Variants in KCNIP3 observed in about 807,000 individuals in gnomAD.
KCNIP3 encodes the protein calsenilin.
Under a neutral mutation model 35.0 loss-of-function variants are expected in KCNIP3, and 28 were observed. The observed-to-expected ratio is 0.80, with a 90% CI of 0.59 to 1.10. The LOEUF (loss-of-function observed/expected upper bound fraction) is 1.10. KCNIP3 is among the 50% of genes least tolerant of loss of function. The pLI, the probability that KCNIP3 is intolerant of heterozygous loss-of-function variation, is 0.00. For missense variants in KCNIP3, 295 were observed against 338.4 expected, an observed-to-expected ratio of 0.87 and a Z score of 1.01; for synonymous variants, 134 against 133.8, an observed-to-expected ratio of 1.00 and a Z score of -0.01.
rs561329137 is a variant in KCNIP3 at position 95,297,831 on chromosome 2, G to A, written c.15+378G>A. Reference sequence around the variant, plus strand: ...TTAGGTCCCTGGGTCAGGTGCCAGCGTGGCTGACACTGAGCCCGGGCCCCA... The same window carrying A: ...TTAGGTCCCTGGGTCAGGTGCCAGCATGGCTGACACTGAGCCCGGGCCCCA... On this transcript the variant is annotated intron_variant, in intron 1 of 8. Transcript: ENST00000295225. Among the ~76,000 whole-genome samples the A allele has an allele frequency of 3.8e-4, 58 of 152,284 alleles. 1 individual carries two copies. The South Asian group carries it at 0.011, about 29-fold the overall frequency.
At chr2:95,374,525 C>T (rs1680124728) in intron 3 of KCNIP3, 105 bp downstream of exon 3, 1 of 1,390,488 alleles carries the variant, frequency 7.2e-7, no homozygotes, top group Non-Finnish European at 9.7e-7. Flanking sequence ...CTTTAAGGGG[C>T]TTATGTGTTG....
intron 2 of KCNIP3, among the ~76,000 whole-genome samples, chr2:95,367,918 C>T (rs1012900962): frequency 1.3e-5 from 2 of 152,234 alleles, no homozygotes; most frequent in African/African-American, 2.4e-5. Flanking sequence ...CCTGCCATCA[C>T]GCCTGGCTAA....
intron 2 of KCNIP3, among the ~76,000 whole-genome samples, chr2:95,320,051 C>T (rs766559111): frequency 7.2e-5 from 11 of 152,258 alleles, no homozygotes; most frequent in Non-Finnish European, 1.5e-4. Context: ...CTGGCGATGC[C>T]GGTTCTGGGA....
chr2:95,331,304 C>G (rs1185390175), intron 2 of KCNIP3, among the ~76,000 whole-genome samples: 1 of 152,122 alleles, frequency 6.6e-6, no homozygotes, highest in South Asian at 2.1e-4. Flanking sequence ...GGCTTTTGTC[C>G]TGAGCTGCTG....
intron 2 of KCNIP3, among the ~76,000 whole-genome samples, chr2:95,353,998 C>A (rs918811142): frequency 6.6e-6 from 1 of 152,212 alleles, no homozygotes; most frequent in Non-Finnish European, 1.5e-5. Flanking sequence ...GACCCCATGT[C>A]AGTGGCACGG....
Position 95,375,469 on chromosome 2 carries a change from G to A in KCNIP3, c.447+261G>A, listed in dbSNP as rs185130647. Among the ~76,000 whole-genome samples, 5 of 151,918 alleles carry A rather than the reference G, an allele frequency of 3.3e-5. No homozygotes were observed. The East Asian group carries it at 7.8e-4, about 24-fold the overall frequency. ...CATCCAGCTCTGCCTGGTCAAGGGA[G>A]CCCCCGAGACACACACGGGTGGTAG... On this transcript the variant is annotated intron_variant, in intron 5 of 8. Transcript: ENST00000295225.
At position 95,375,130 on chromosome 2, in the gene KCNIP3, C is replaced by T. The variant is rs1031360827; in HGVS notation, c.377-8C>T. 4 of 1,613,984 alleles carry T rather than the reference C, an allele frequency of 2.5e-6. No individual in the cohort carries two copies. The highest frequency in any genetic ancestry group is 1.3e-5 in the African/African-American group (1 of 74,936). Reference sequence around the variant, plus strand: ...GACACACCCCAGCCTCTTCCTTGCCCTCCCCAGATGCCACCACCTATGCAC... The same window carrying T: ...GACACACCCCAGCCTCTTCCTTGCCTTCCCCAGATGCCACCACCTATGCAC... On this transcript the variant is annotated splice_polypyrimidine_tract_variant and splice_region_variant and intron_variant, in intron 4 of 8. Coordinates refer to ENST00000295225, the MANE Select transcript of KCNIP3 (RefSeq NM_013434.5).
rs1232459512 is a variant in KCNIP3 at position 95,384,773 on chromosome 2, A to G, written c.*724A>G. On this transcript the variant is annotated 3_prime_UTR_variant, in exon 9 of 9. Coordinates refer to ENST00000295225, the MANE Select transcript of KCNIP3 (RefSeq NM_013434.5). ...CATGGCAGGAAGGCGGGGGATTTCA[A>G]GTTTAGGGATTGGGTCGTGGTGGAG... is the stretch of plus-strand genomic sequence containing the variant. The G allele has an allele frequency of 6.6e-6, 1 of 152,432 alleles. No individual in the cohort carries two copies. Among genetic ancestry groups the G allele is most frequent in the Non-Finnish European group, 1.5e-5 (1 of 68,270 alleles). 9.4% of individuals were successfully genotyped at this position (152,432 alleles called of 1,614,324 possible). A position where few individuals can be genotyped will look rare whatever the true frequency, so the allele number is the denominator to read the frequency against.
In KCNIP3 at chr2:95,374,365, C is replaced by T; in HGVS notation, c.251C>T (p.Ala84Val). Residue 84 changes from alanine to valine, a missense_variant, in exon 3 of 9, where the codon GCC becomes GTC. Physicochemically the swap from Ala to Val is moderately conservative, Grantham distance 64. Coordinates refer to ENST00000295225, the MANE Select transcript of KCNIP3 (RefSeq NM_013434.5). ...HQPEGLDQLQAQTKFTKKELQ... is the reference protein window; with the variant it reads ...HQPEGLDQLQVQTKFTKKELQ... The stretch of plus-strand genomic sequence containing the variant: ...CCAGAGGGGCTGGACCAGCTGCAGG[C>T]CCAGACCAAGTTCACCAAGAAGGAG... 1.2e-6 allele frequency: 2 copies of T among 1,614,158 alleles called. No individual in the cohort carries two copies. The highest frequency in any genetic ancestry group is 1.7e-6 in the Non-Finnish European group (2 of 1,179,974).
At position 95,378,015 on chromosome 2, in the gene KCNIP3, C is replaced by T. The variant is rs1356860055; in HGVS notation, c.447+2807C>T. ...ACCCACTAGGAAGGCCTGTCTGACC[C>T]AGGGCTTCAGGGATAACTTAGAATC... is the stretch of plus-strand genomic sequence containing the variant. On this transcript the variant is annotated intron_variant, in intron 5 of 8. Transcript: ENST00000295225. This position sits in a 1 kb window ranked among gnomAD's most constrained non-coding sequence, Gnocchi z 4.0. 6.6e-6 allele frequency among the ~76,000 whole-genome samples: 1 copy of T among 152,232 alleles called. No individual in the cohort carries two copies. The highest frequency in any genetic ancestry group is 1.5e-5 in the Non-Finnish European group (1 of 68,042).
chr2:95,357,937 C>T (rs1274142417), intron 2 of KCNIP3, among the ~76,000 whole-genome samples: 1 of 152,200 alleles, frequency 6.6e-6, no homozygotes, highest in Admixed American at 6.5e-5. Context: ...CGCAGTGTCA[C>T]ACAGGGGCAT....
chr2:95,374,795 C>T lies in KCNIP3; in HGVS notation c.307-53C>T, dbSNP rs574556841. 1.8e-4 allele frequency: 280 copies of T among 1,584,266 alleles called. 1 individual carries two copies. In the South Asian group the frequency reaches 2.3e-3, roughly 13 times the overall value. On this transcript the variant is annotated intron_variant, in intron 3 of 8. Coordinates refer to ENST00000295225, the MANE Select transcript of KCNIP3 (RefSeq NM_013434.5). ...AGGCCAGCCAGGCACCATGCAGAGT[C>T]GGGCTTGGAGCTGGGGGTGGCCGAG...
chr2:95,327,040 C>G (rs562788570), intron 2 of KCNIP3, among the ~76,000 whole-genome samples: 1 of 152,226 alleles, frequency 6.6e-6, no homozygotes, highest in Non-Finnish European at 1.5e-5. Flanking sequence ...TCAGATTGCA[C>G]GGGACAAGTC....
At chr2:95,352,268 G>A (rs773196408) in intron 2 of KCNIP3, among the ~76,000 whole-genome samples, 3 of 152,160 alleles carry the variant, frequency 2.0e-5, no homozygotes, top group Non-Finnish European at 2.9e-5. Context: ...CAAACAAGAA[G>A]TGGGTAGGAC....
At chr2:95,324,875 C>A (rs1226140245) in intron 2 of KCNIP3, among the ~76,000 whole-genome samples, 1 of 152,196 alleles carries the variant, frequency 6.6e-6, no homozygotes, top group Non-Finnish European at 1.5e-5. Context: ...GGCGCCACTG[C>A]ACTCCAGCCT....
intron 2 of KCNIP3, among the ~76,000 whole-genome samples, chr2:95,356,198 T>G (rs979147497): frequency 1.3e-5 from 2 of 151,468 alleles, no homozygotes; most frequent in South Asian, 2.1e-4. Flanking sequence ...GGGTTGTTTG[T>G]TTTTTTTTCT....
intron 2 of KCNIP3, among the ~76,000 whole-genome samples, chr2:95,324,018 G>A (rs3772034): frequency 0.77 from 116,760 of 152,110 alleles, 45,295 homozygotes; most frequent in African/African-American, 0.86. Flanking sequence ...GAGGCAGAGG[G>A]AGCCCGCGGC....
chr2:95,310,682 T>C, intron 2 of KCNIP3, 162 bp downstream of exon 2: 1 of 740,644 alleles, frequency 1.4e-6, no homozygotes, highest in Non-Finnish European at 2.3e-6. Context: ...CCCTTCCCCA[T>C]TCATTGAGTG....
At chr2:95,321,447 G>C (rs575024113) in intron 2 of KCNIP3, among the ~76,000 whole-genome samples, 46 of 152,344 alleles carry the variant, frequency 3.0e-4, no homozygotes, top group African/African-American at 1.1e-3. Flanking sequence ...AGTGGAAGAA[G>C]GGGGGTCAGG....
Sources: allele counts gnomAD v4.1 joint callset (sites outside exome capture counted in the v4.1 genomes callset), GRCh38; gene constraint gnomAD v4.1.1; non-coding constraint Gnocchi (gnomAD v3.1); transcripts MANE v1.5; gene names NCBI Gene and HGNC (gene_info 2026-07-23, HGNC 2026-07-21).